LCORL: variants seen among roughly 807,000 people sequenced by gnomAD.
LCORL encodes ligand-dependent nuclear receptor corepressor-like protein.
Under a neutral mutation model 141.8 loss-of-function variants are expected in LCORL, and 41 were observed. The ratio of observed to expected loss-of-function variants is 0.29; its 90% CI spans 0.23 to 0.38. The LOEUF is 0.38. Ranked by LOEUF, LCORL falls within the 10% of genes least tolerant of loss-of-function variation. The pLI, the probability that LCORL is intolerant of heterozygous loss-of-function variation, is 1.00. For missense variants in LCORL, 1,759 were observed against 2,035.0 expected, an observed-to-expected ratio of 0.86 and a Z score of 2.61; for synonymous variants, 618 against 694.1, an observed-to-expected ratio of 0.89 and a Z score of 1.72.
intron 4 of LCORL, among the ~76,000 whole-genome samples, chr4:17,956,833 A>T (rs575714371): frequency 3.6e-4 from 55 of 152,254 alleles, no homozygotes; most frequent in Admixed American, 5.9e-4. Context: ...GGTGATGGAT[A>T]TTCTAAATAC....
chr4:17,917,927 G>C (rs1387599819), intron 4 of LCORL, among the ~76,000 whole-genome samples: 1 of 148,870 alleles, frequency 6.7e-6, no homozygotes, highest in Non-Finnish European at 1.5e-5. Context: ...TTGCGCTGAA[G>C]TTACAGGTTA....
chr4:17,937,907 C>T (rs1053561276), intron 4 of LCORL, among the ~76,000 whole-genome samples: 4 of 151,124 alleles, frequency 2.6e-5, no homozygotes, highest in Non-Finnish European at 5.9e-5. Context: ...AAATTTATAA[C>T]ATATTTAGAA....
rs553659160 is a variant in LCORL at position 17,969,820 on chromosome 4, A to G, written c.220+3000T>C. ...TTCAGTGCAAAACTATGTTAAAATA[A>G]GAAATGATTAAAATTAAGAGATTTC... On this transcript the variant is annotated intron_variant, in intron 2 of 7. Coordinates refer to ENST00000635767, the Ensembl canonical transcript of LCORL. 3.3e-5 allele frequency among the ~76,000 whole-genome samples: 5 copies of G among 152,304 alleles called. No homozygotes were observed. In the East Asian group the frequency reaches 9.6e-4, roughly 29 times the overall value.
chr4:17,918,965 G>A (rs1050074380), intron 4 of LCORL, among the ~76,000 whole-genome samples: 2 of 151,628 alleles, frequency 1.3e-5, no homozygotes, highest in Non-Finnish European at 2.9e-5. Flanking sequence ...GTAAAATAAA[G>A]TCATCACAAG....
intron 5 of LCORL, among the ~76,000 whole-genome samples, chr4:17,888,325 C>G (rs1577334050): frequency 6.6e-6 from 1 of 152,028 alleles, no homozygotes; most frequent in Admixed American, 6.6e-5. Context: ...TTATTAAATA[C>G]AGTTTATTGC....
chr4:17,930,467 T>C (rs1270228544), intron 4 of LCORL, among the ~76,000 whole-genome samples: 1 of 152,258 alleles, frequency 6.6e-6, no homozygotes, highest in Non-Finnish European at 1.5e-5. Flanking sequence ...ATGCTGCCAG[T>C]GTTTCCACAT....
At chr4:17,904,088 G>A (rs1305394208) in intron 5 of LCORL, among the ~76,000 whole-genome samples, 2 of 151,970 alleles carry the variant, frequency 1.3e-5, no homozygotes, top group Non-Finnish European at 2.9e-5. Context: ...ATTCTTCATA[G>A]ATATGAGCCT....
chr4:17,927,244 C>A (rs771129767), intron 4 of LCORL, among the ~76,000 whole-genome samples: 186 of 152,290 alleles, frequency 1.2e-3, no homozygotes, highest in Non-Finnish European at 2.2e-3. Flanking sequence ...TCAGCTGTCT[C>A]GGCCTCCAAC....
At chr4:17,980,832 A>G (rs1717852038) in intron 1 of LCORL, among the ~76,000 whole-genome samples, 1 of 152,246 alleles carries the variant, frequency 6.6e-6, no homozygotes, top group South Asian at 2.1e-4. Context: ...CAGGAGCGTG[A>G]GCCCTATTAT....
intron 4 of LCORL, among the ~76,000 whole-genome samples, chr4:17,935,793 G>C (rs1365787699): frequency 6.6e-6 from 1 of 152,088 alleles, no homozygotes; most frequent in African/African-American, 2.4e-5. Flanking sequence ...TTCCTTTATG[G>C]CAATGCAAAC....
intron 3 of LCORL, among the ~76,000 whole-genome samples, 159 bp downstream of exon 3, chr4:17,962,811 A>G (rs1714106634): frequency 1.3e-5 from 2 of 152,056 alleles, no homozygotes; most frequent in African/African-American, 2.4e-5. Context: ...TAAATGTTAG[A>G]TTTCTAATAT....
intron 7 of LCORL, among the ~76,000 whole-genome samples, chr4:17,864,941 TA>T (rs1446819850): frequency 6.6e-6 from 1 of 152,184 alleles, no homozygotes; most frequent in Non-Finnish European, 1.5e-5. Context: ...AGCCAATTAA[TA>T]AAAAGTACCT....
In LCORL at chr4:17,957,507, G is replaced by A. The variant is rs569311204; in HGVS notation, c.430+4396C>T. ...GAATTTGGGTGATTGTAAAGGGGTA[G>A]GAGACTGGGTCAAATTAGGGAATTA... On this transcript the variant is annotated intron_variant, in intron 4 of 7. Transcript: ENST00000635767. Among the ~76,000 whole-genome samples the A allele has an allele frequency of 3.9e-5, 6 of 152,088 alleles. No homozygotes were observed. In the East Asian group the frequency reaches 1.2e-3, roughly 29 times the overall value.
chr4:17,888,457 C>G (rs1728614803), intron 5 of LCORL, among the ~76,000 whole-genome samples: 1 of 152,116 alleles, frequency 6.6e-6, no homozygotes, highest in Admixed American at 6.6e-5. Context: ...TTATGCCTCT[C>G]AAACTGCAGT....
chr4:17,877,704 A>G (rs922777012), exon 7 of LCORL: 1 of 1,230,556 alleles, frequency 8.1e-7, no homozygotes, highest in African/African-American at 1.6e-5. Flanking sequence ...GGCATCTTTA[A>G]GAGTGACTGA....
chr4:17,961,853 A>C (rs1713856591), intron 4 of LCORL, 50 bp downstream of exon 4: 1 of 1,543,818 alleles, frequency 6.5e-7, no homozygotes, highest in Non-Finnish European at 8.8e-7. Context: ...AAATTCCAAC[A>C]TTTTACATCT....
chr4:17,868,353 C>T (rs533103649), intron 7 of LCORL, among the ~76,000 whole-genome samples: 2 of 151,988 alleles, frequency 1.3e-5, no homozygotes, highest in East Asian at 3.9e-4. Context: ...TTCAAAGTGT[C>T]AACTGAATTC....
At chr4:17,904,415 G>C (rs1454569517) in intron 5 of LCORL, among the ~76,000 whole-genome samples, 1 of 152,000 alleles carries the variant, frequency 6.6e-6, no homozygotes, top group Non-Finnish European at 1.5e-5. Context: ...TTTTAGATTT[G>C]AGTATAGTCA....
chr4:17,849,193 T>C (rs1227198458), intron 7 of LCORL, among the ~76,000 whole-genome samples: 3 of 152,196 alleles, frequency 2.0e-5, no homozygotes, highest in Non-Finnish European at 4.4e-5. Context: ...TCTCCCAGCA[T>C]GCAGCTGGAG....
Sources: gnomAD v4.1 joint callset for allele counts (sites outside exome capture counted in the v4.1 genomes callset) on GRCh38, gnomAD v4.1.1 for gene constraint, MANE v1.5 for transcripts, NCBI Gene and HGNC (gene_info 2026-07-23, HGNC 2026-07-21) for gene names.